The following LARP1 variants were observed in gnomAD, a reference collection of about 807,000 sequenced individuals.
LARP1 encodes la-related protein 1.
Under a neutral mutation model 122.7 loss-of-function variants are expected in LARP1, and 36 were observed. That is an observed-to-expected ratio of 0.29 (90% CI 0.22 to 0.39). LARP1 has a LOEUF of 0.39. Among genes scored for constraint, LARP1 ranks in the 10% least tolerant of loss-of-function variants. LARP1 has a pLI of 1.00. For synonymous variants in LARP1, 539 were observed against 528.7 expected (o/e 1.02, Z -0.27); for missense variants, 1,040 against 1,403.6 (o/e 0.74, Z 4.14).
chr5:154,700,990 G>A (rs188486340), intron 1 of LARP1, among the ~76,000 whole-genome samples: 2 of 152,096 alleles, frequency 1.3e-5, no homozygotes, highest in Non-Finnish European at 2.9e-5. Context: ...AAAAATATTT[G>A]TAGAGATAGC....
At position 154,803,343 on chromosome 5, in the gene LARP1, C is replaced by A; in HGVS notation, c.2163C>A (p.Asp721Glu). 1 of 1,614,200 alleles carries A rather than the reference C, an allele frequency of 6.2e-7. No individual in the cohort carries two copies. The highest frequency in any genetic ancestry group is 1.1e-5 in the South Asian group (1 of 91,088). ...KVNMISREQF[D>E]TLTPEPPVDP... ...ATATGATCAGCCGGGAGCAGTTTGACACACTGACCCCTGAGCCCCCTGTGG... is the reference window on the plus strand; with the variant it reads ...ATATGATCAGCCGGGAGCAGTTTGAAACACTGACCCCTGAGCCCCCTGTGG... Residue 721 changes from aspartate to glutamate, a missense_variant, in exon 12 of 19, where the codon GAC (aspartate) becomes GAA (glutamate). By Grantham distance (45) the Asp-to-Glu change is conservative. Coordinates refer to ENST00000518297, the MANE Select transcript of LARP1 (RefSeq NM_033551.3). The surrounding 1 kb of genome is among the most constrained non-coding windows in gnomAD (Gnocchi z 4.4).
At chr5:154,740,315 T>C (rs1757160875) in intron 1 of LARP1, among the ~76,000 whole-genome samples, 1 of 149,438 alleles carries the variant, frequency 6.7e-6, no homozygotes, top group Non-Finnish European at 1.5e-5. Flanking sequence ...ATCGCTTGAA[T>C]CTGGGAGGCG....
chr5:154,774,174 G>A (rs1755671719), intron 1 of LARP1, among the ~76,000 whole-genome samples: 1 of 152,260 alleles, frequency 6.6e-6, no homozygotes, highest in East Asian at 1.9e-4. Flanking sequence ...TTGGAGGAGG[G>A]CTGAGGATGA....
At chr5:154,702,652 A>G (rs147812129) in intron 1 of LARP1, among the ~76,000 whole-genome samples, 24 of 152,288 alleles carry the variant, frequency 1.6e-4, no homozygotes, top group Non-Finnish European at 3.1e-4. Context: ...ACAACTCTAG[A>G]AAGCATGACT....
intron 1 of LARP1, among the ~76,000 whole-genome samples, chr5:154,760,395 A>G (rs909935609): frequency 6.6e-6 from 1 of 152,120 alleles, no homozygotes; most frequent in Non-Finnish European, 1.5e-5. Flanking sequence ...ATTTTTTTCT[A>G]AAACTCCCTC....
intron 1 of LARP1, among the ~76,000 whole-genome samples, chr5:154,724,840 C>T (rs931735771): frequency 2.0e-5 from 3 of 151,990 alleles, no homozygotes; most frequent in Non-Finnish European, 2.9e-5. Context: ...CTAATTTTTG[C>T]ATTTTGTGTA....
chr5:154,810,058 A>G (rs1759133267), intron 16 of LARP1, among the ~76,000 whole-genome samples: 1 of 151,900 alleles, frequency 6.6e-6, no homozygotes, highest in East Asian at 1.9e-4. Flanking sequence ...ATTTGCCATG[A>G]TTTTTCTTAA....
At chr5:154,788,428 T>A (rs1307894514) in intron 1 of LARP1, among the ~76,000 whole-genome samples, 1 of 152,136 alleles carries the variant, frequency 6.6e-6, no homozygotes, top group Admixed American at 6.5e-5. Flanking sequence ...GGCCTCACAG[T>A]GAGGAGTCAG....
chr5:154,729,006 A>G (rs1285717526), intron 1 of LARP1, among the ~76,000 whole-genome samples: 1 of 152,162 alleles, frequency 6.6e-6, no homozygotes, highest in South Asian at 2.1e-4. Flanking sequence ...CATTTGCTAC[A>G]TAAGCACTTG....
chr5:154,758,348 C>G (rs1327332779), intron 1 of LARP1, among the ~76,000 whole-genome samples: 2 of 152,180 alleles, frequency 1.3e-5, no homozygotes, highest in Non-Finnish European at 2.9e-5. Flanking sequence ...TAGATTTGCT[C>G]TGTTATTGTT....
intron 1 of LARP1, among the ~76,000 whole-genome samples, chr5:154,763,830 A>T (rs1203367068): frequency 6.6e-6 from 1 of 150,400 alleles, no homozygotes; most frequent in Non-Finnish European, 1.5e-5. Flanking sequence ...ACATAGGGAT[A>T]CCCCATCTCT....
chr5:154,786,341 G>T (rs1756881206), intron 1 of LARP1: 1 of 393,682 alleles, frequency 2.5e-6, no homozygotes, highest in Non-Finnish European at 5.2e-6. Flanking sequence ...GCACCCGGCT[G>T]GTATGCTTCA....
At chr5:154,754,398 T>A (rs1434113782), upstream of LARP1, among the ~76,000 whole-genome samples, 3 of 152,162 alleles carry the variant, frequency 2.0e-5, no homozygotes, top group Non-Finnish European at 4.4e-5. Context: ...ATAGAGAAAC[T>A]GAGGCCCACG....
chr5:154,730,197 A>ATTT (rs906264765), intron 1 of LARP1, among the ~76,000 whole-genome samples: 1 of 151,020 alleles, frequency 6.6e-6, no homozygotes, highest in Middle Eastern at 3.4e-3. Flanking sequence ...TATTATTATT[A>ATTT]TTTTTTTTTG....
At chr5:154,723,836 C>G (rs1177617386) in intron 1 of LARP1, among the ~76,000 whole-genome samples, 3 of 152,076 alleles carry the variant, frequency 2.0e-5, no homozygotes, top group Non-Finnish European at 4.4e-5. Flanking sequence ...TGTTGCGGAA[C>G]AAGTGGGGAG....
intron 1 of LARP1, among the ~76,000 whole-genome samples, chr5:154,770,839 A>T (rs1422154998): frequency 6.6e-6 from 1 of 152,110 alleles, no homozygotes; most frequent in African/African-American, 2.4e-5. Context: ...CTGGCCGGGC[A>T]CGGTGGCTCA....
Position 154,688,940 on chromosome 5 carries a change from A to G in LARP1, c.-180+5903A>G, listed in dbSNP as rs117242528. On this transcript the variant is annotated intron_variant, in intron 1 of 18. Coordinates refer to the LARP1 transcript ENST00000687700. Reference sequence around the variant, plus strand: ...GAATGTATTAATGCATTCCTTTTATAAAATTTTTACATAAAAAATTAAATT... The same window carrying G: ...GAATGTATTAATGCATTCCTTTTATGAAATTTTTACATAAAAAATTAAATT... 2.2e-4 allele frequency among the ~76,000 whole-genome samples: 33 copies of G among 152,366 alleles called. No homozygotes were observed. The East Asian group carries it at 6.0e-3, about 28-fold the overall frequency.
At chr5:154,691,126 G>T (rs575446117) in intron 1 of LARP1, among the ~76,000 whole-genome samples, 16 of 152,000 alleles carry the variant, frequency 1.1e-4, no homozygotes, top group Non-Finnish European at 2.1e-4. Flanking sequence ...GCCGGGCGTG[G>T]TGGCGGGCGC....
intron 1 of LARP1, among the ~76,000 whole-genome samples, chr5:154,764,336 G>A (rs909476438): frequency 1.3e-5 from 2 of 150,660 alleles, no homozygotes; most frequent in African/African-American, 2.4e-5. Flanking sequence ...CTGCATCCAG[G>A]TTGGGTGTGG....
Sources: allele counts gnomAD v4.1 joint callset (sites outside exome capture counted in the v4.1 genomes callset), GRCh38; gene constraint gnomAD v4.1.1; non-coding constraint Gnocchi (gnomAD v3.1); transcripts MANE v1.5; gene names NCBI Gene and HGNC (gene_info 2026-07-23, HGNC 2026-07-21).